The following DLGAP2 variants were observed in gnomAD, a reference collection of about 807,000 sequenced individuals.
DLGAP2 encodes DLG associated protein 2.
Under a neutral mutation model 100.3 loss-of-function variants are expected in DLGAP2, and 26 were observed. The observed-to-expected ratio is 0.26, with a 90% CI of 0.19 to 0.36. DLGAP2 has a LOEUF of 0.36. DLGAP2 is among the 10% of genes least tolerant of loss of function. DLGAP2 has a pLI of 1.00. For missense variants in DLGAP2, 1,858 were observed against 1,453.2 expected (o/e 1.28, Z -4.53); for synonymous variants, 886 against 630.1 (o/e 1.41, Z -6.08).
intron 2 of DLGAP2, among the ~76,000 whole-genome samples, chr8:1,026,959 A>G (rs539463296): frequency 1.5e-3 from 224 of 152,362 alleles, no homozygotes; most frequent in African/African-American, 5.2e-3. Context: ...ATAAATTTTT[A>G]AATATCATTT....
At chr8:1,185,979 G>T (rs768862123) in intron 2 of DLGAP2, among the ~76,000 whole-genome samples, 1 of 152,284 alleles carries the variant, frequency 6.6e-6, no homozygotes, top group East Asian at 1.9e-4. Flanking sequence ...CCTCCAGGAA[G>T]TATTAACCAG....
intron 1 of DLGAP2, among the ~76,000 whole-genome samples, chr8:877,529 A>G (rs756722804): frequency 3.3e-5 from 5 of 152,232 alleles, no homozygotes; most frequent in Admixed American, 6.5e-5. Flanking sequence ...GCTGATTGCA[A>G]TTGTGGGCAT....
intron 6 of DLGAP2, among the ~76,000 whole-genome samples, chr8:1,607,795 T>C (rs1337771283): frequency 6.6e-6 from 1 of 151,834 alleles, no homozygotes; most frequent in South Asian, 2.1e-4. Context: ...ACCTGGAAAA[T>C]CGGGTCACTC....
chr8:1,660,691 C>A (rs1798390025), intron 8 of DLGAP2, among the ~76,000 whole-genome samples: 1 of 152,194 alleles, frequency 6.6e-6, no homozygotes, highest in African/African-American at 2.4e-5. Flanking sequence ...AAGGGACTTA[C>A]ATGGACAAGT....
intron 2 of DLGAP2, among the ~76,000 whole-genome samples, chr8:929,039 C>T (rs1394974622): frequency 8.1e-6 from 1 of 123,100 alleles, no homozygotes; most frequent in African/African-American, 3.1e-5. Context: ...AGACCCCCTG[C>T]CATTCCCCCT....
intron 3 of DLGAP2, among the ~76,000 whole-genome samples, chr8:1,391,967 C>G (rs539612116): frequency 6.6e-6 from 1 of 152,336 alleles, no homozygotes; most frequent in South Asian, 2.1e-4. Flanking sequence ...TGTTGTGATG[C>G]TGTAGGATCT....
intron 3 of DLGAP2, among the ~76,000 whole-genome samples, chr8:1,333,144 G>A (rs1205492253): frequency 6.6e-6 from 1 of 152,188 alleles, no homozygotes; most frequent in Non-Finnish European, 1.5e-5. Context: ...GCAGGCGTGA[G>A]CACAAGGAGA....
At chr8:1,293,374 C>A (rs978620626) in intron 3 of DLGAP2, among the ~76,000 whole-genome samples, 1 of 150,802 alleles carries the variant, frequency 6.6e-6, no homozygotes, top group Non-Finnish European at 1.5e-5. Context: ...TCTGGGCTCC[C>A]GGACGGCTGA....
At chr8:1,617,858 A>G (rs1349634983) in intron 6 of DLGAP2, among the ~76,000 whole-genome samples, 3 of 152,262 alleles carry the variant, frequency 2.0e-5, no homozygotes. Flanking sequence ...AAAAGAAATC[A>G]GAGGAACAAG....
chr8:1,391,918 C>G (rs1796366624), intron 3 of DLGAP2, among the ~76,000 whole-genome samples: 1 of 152,232 alleles, frequency 6.6e-6, no homozygotes, highest in South Asian at 2.1e-4. Context: ...AACAAGGGGC[C>G]ATGGAGGAGC....
chr8:1,100,811 T>C (rs1315258300), intron 2 of DLGAP2, among the ~76,000 whole-genome samples: 1 of 152,166 alleles, frequency 6.6e-6, no homozygotes, highest in Non-Finnish European at 1.5e-5. Flanking sequence ...TCTGTAGAAA[T>C]AGACTAACCT....
At chr8:1,227,782 G>C (rs1403239101) in intron 2 of DLGAP2, among the ~76,000 whole-genome samples, 2 of 151,852 alleles carry the variant, frequency 1.3e-5, no homozygotes, top group East Asian at 3.8e-4. Flanking sequence ...TAGGTGAGAG[G>C]GTACAAAGGA....
At chr8:819,123 A>T (rs1053201307) in intron 1 of DLGAP2, among the ~76,000 whole-genome samples, 3 of 152,250 alleles carry the variant, frequency 2.0e-5, no homozygotes, top group African/African-American at 7.2e-5. Flanking sequence ...CTTATTTAAG[A>T]ATATATAAAT....
At chr8:1,453,334 C>A (rs1422242019) in intron 3 of DLGAP2, among the ~76,000 whole-genome samples, 1 of 152,076 alleles carries the variant, frequency 6.6e-6, no homozygotes, top group Non-Finnish European at 1.5e-5. Flanking sequence ...AGTATTTTTC[C>A]TTCATCATAT....
intron 10 of DLGAP2, 96 bp from the exon 11 acceptor site, chr8:1,676,437 G>T: frequency 7.7e-7 from 1 of 1,304,082 alleles, no homozygotes; most frequent in South Asian, 1.3e-5. Context: ...AAACAAATGC[G>T]TAATTAATTA....
At chr8:1,381,732 T>C (rs1338070900) in intron 3 of DLGAP2, among the ~76,000 whole-genome samples, 2 of 151,874 alleles carry the variant, frequency 1.3e-5, no homozygotes, top group Admixed American at 1.3e-4. Flanking sequence ...CTCCATCGCG[T>C]TGCCGTGAAT....
chr8:1,149,625 T>C (rs559095637), intron 2 of DLGAP2, among the ~76,000 whole-genome samples: 1 of 152,254 alleles, frequency 6.6e-6, no homozygotes, highest in South Asian at 2.1e-4. Context: ...TATAGTTGTT[T>C]CTATTTTCAT....
chr8:844,399 T>G (rs1432422225), intron 1 of DLGAP2, among the ~76,000 whole-genome samples: 2 of 152,214 alleles, frequency 1.3e-5, no homozygotes, highest in Admixed American at 1.3e-4. Context: ...CAAAGAAATA[T>G]TGGTAGACGA....
chr8:1,138,424 A>C (rs1266966165), intron 2 of DLGAP2, among the ~76,000 whole-genome samples: 1 of 152,072 alleles, frequency 6.6e-6, no homozygotes, highest in Non-Finnish European at 1.5e-5. Context: ...CCCCTGCTGA[A>C]CCTGTGCTTT....
Sources: allele counts gnomAD v4.1 joint callset (sites outside exome capture counted in the v4.1 genomes callset), GRCh38; gene constraint gnomAD v4.1.1; transcripts MANE v1.5; gene names NCBI Gene and HGNC (gene_info 2026-07-23, HGNC 2026-07-21).